Variants in RAI1 observed in about 807,000 individuals in gnomAD.
RAI1 encodes the protein retinoic acid induced 1, also known as retinoic acid-induced protein 1.
A neutral mutation model predicts 123.8 loss-of-function variants in RAI1; 9 were observed. The ratio of observed to expected loss-of-function variants is 0.07; its 90% CI spans 0.04 to 0.13. The LOEUF is 0.13. Among genes scored for constraint, RAI1 ranks in the 10% least tolerant of loss-of-function variants. The pLI is 1.00. For missense variants in RAI1, 2,256 were observed against 2,545.8 expected (o/e 0.89, Z 2.45); for synonymous variants, 1,231 against 1,127.3 (o/e 1.09, Z -1.84).
intron 2 of RAI1, among the ~76,000 whole-genome samples, chr17:17,747,963 C>CT (rs1812909366): frequency 6.6e-6 from 1 of 152,124 alleles, no homozygotes; most frequent in African/African-American, 2.4e-5. Flanking sequence ...TACTTGGAGG[C>CT]TAAGGCTGGA....
intron 2 of RAI1, among the ~76,000 whole-genome samples, chr17:17,774,575 C>T (rs895001499): frequency 1.3e-5 from 2 of 152,258 alleles, no homozygotes; most frequent in South Asian, 2.1e-4. Flanking sequence ...TCCGCCCACC[C>T]GGGCAGTGAC....
intron 1 of RAI1, among the ~76,000 whole-genome samples, chr17:17,708,444 A>C (rs1392342585): frequency 6.6e-6 from 1 of 151,422 alleles, no homozygotes; most frequent in Non-Finnish European, 1.5e-5. Flanking sequence ...ATATATGTAC[A>C]TTTTTTTCCC....
intron 2 of RAI1, among the ~76,000 whole-genome samples, chr17:17,780,961 C>T (rs1177115431): frequency 6.6e-6 from 1 of 152,188 alleles, no homozygotes; most frequent in African/African-American, 2.4e-5. Context: ...TGTCTTTAAT[C>T]TGTATTCCAC....
chr17:17,706,625 G>T (rs530426130), intron 1 of RAI1, among the ~76,000 whole-genome samples: 24 of 152,176 alleles, frequency 1.6e-4, no homozygotes, highest in Non-Finnish European at 3.2e-4. Context: ...AGGGATCAGA[G>T]TAGAGTTGGG....
chr17:17,739,895 T>C (rs956831699), intron 2 of RAI1, among the ~76,000 whole-genome samples: 1 of 152,192 alleles, frequency 6.6e-6, no homozygotes, highest in Non-Finnish European at 1.5e-5. Context: ...TGGGCCCAGA[T>C]GGAGGGCAGC....
At chr17:17,773,093 A>AGGGGTGGG (rs1567891404) in intron 2 of RAI1, among the ~76,000 whole-genome samples, 1 of 120,936 alleles carries the variant, frequency 8.3e-6, no homozygotes, top group Non-Finnish European at 1.7e-5. Flanking sequence ...GGATGGATGG[A>AGGGGTGGG]TGGGTGGGTG....
At position 17,796,473 on chromosome 17, in the gene RAI1, G is replaced by C. The variant is rs747524905; in HGVS notation, c.3525G>C (p.Lys1175Asn). 2 of 1,611,860 alleles carry C rather than the reference G, an allele frequency of 1.2e-6. No homozygotes were observed. Reference protein sequence around the residue: ...EGRLPNCRATKKLLDNSHLPA... With the variant: ...EGRLPNCRATNKLLDNSHLPA... Reference sequence around the variant, plus strand: ...GGCTCCCCAACTGCCGTGCCACCAAGAAGCTCCTCGACAACAGCCACTTGC... The same window carrying C: ...GGCTCCCCAACTGCCGTGCCACCAACAAGCTCCTCGACAACAGCCACTTGC... Residue 1175 changes from lysine (K) to asparagine (N), a missense_variant, in exon 3 of 6, where the codon AAG (lysine) becomes AAC (asparagine). This residue lies in a region of RAI1 where 322 missense variants were observed against 358.0 expected (regional missense o/e 0.90). Coordinates refer to ENST00000353383, the MANE Select transcript of RAI1 (RefSeq NM_030665.4). This position sits in a 1 kb window ranked among gnomAD's most constrained non-coding sequence, Gnocchi z 5.8.
chr17:17,797,831 C>T lies in RAI1; in HGVS notation c.4883C>T (p.Ser1628Phe), dbSNP rs773872471. The T allele has an allele frequency of 3.7e-6, 6 of 1,614,030 alleles. No individual in the cohort carries two copies. The East Asian group carries it at 1.1e-4, about 30-fold the overall frequency. The change falls in exon 3 of 6, where the codon TCC becomes TTC. Residue 1628 changes from serine (S) to phenylalanine (F), a missense_variant. Ser to Phe is a radical substitution (Grantham distance 155, BLOSUM62 -2). Transcript: ENST00000353383. ...GCGCCCAAGCCCCACAGGAAGCCTT[C>T]CTCCTCTGCCTCCTCTTCCTCATCC... ...GDAPKPHRKP[S>F]SSASSSSSSS...
At chr17:17,706,638 AC>A (rs1030704908) in intron 1 of RAI1, among the ~76,000 whole-genome samples, 2 of 152,058 alleles carry the variant, frequency 1.3e-5, no homozygotes, top group African/African-American at 4.8e-5. Flanking sequence ...GAGTTGGGGC[AC>A]CCGAGCGGCA....
At chr17:17,760,424 G>GTA (rs2030640828) in intron 2 of RAI1, among the ~76,000 whole-genome samples, 1 of 152,120 alleles carries the variant, frequency 6.6e-6, no homozygotes, top group South Asian at 2.1e-4. Flanking sequence ...CACCCAGACT[G>GTA]TACCCAGAAG....
chr17:17,793,962 C>T lies in RAI1; in HGVS notation c.1014C>T (p.Phe338=), dbSNP rs752858508. The T allele has an allele frequency of 6.2e-7, 1 of 1,613,936 alleles. No individual in the cohort carries two copies. The highest frequency in any genetic ancestry group is 1.1e-5 in the South Asian group (1 of 91,078). Residue 338 remains phenylalanine, a synonymous_variant, in exon 3 of 6, where the codon TTC becomes TTT. Coordinates refer to ENST00000353383, the MANE Select transcript of RAI1 (RefSeq NM_030665.4). ...VRTPEQYYQT[F]SPSSSHSPAR... ...CCCCAGAGCAGTACTACCAGACCTT[C>T]AGCCCCAGCTCCAGCCACTCACCCG...
At chr17:17,747,567 G>A (rs535958897) in intron 2 of RAI1, among the ~76,000 whole-genome samples, 5 of 152,248 alleles carry the variant, frequency 3.3e-5, no homozygotes, top group South Asian at 2.1e-4. Context: ...CATTTGACAC[G>A]AGGCCGGCCA....
chr17:17,793,447 C>T lies in RAI1; in HGVS notation c.499C>T (p.Arg167Trp), dbSNP rs1350817275. The T allele has an allele frequency of 4.3e-6, 7 of 1,613,350 alleles. No individual in the cohort carries two copies. Among genetic ancestry groups the T allele is most frequent in the Admixed American group, 1.7e-5 (1 of 60,000 alleles). Residue 167 changes from arginine to tryptophan, a missense_variant, in exon 3 of 6, where the codon CGG (arginine) becomes TGG (tryptophan). Arg to Trp is a moderately radical substitution (Grantham distance 101, BLOSUM62 -3). This residue lies in a region of RAI1 where 336 missense variants were observed against 349.8 expected (regional missense o/e 0.96). Transcript: ENST00000353383. ...YAEQGAQVPF[R>W]THSLHVQQPP... ...AGAGCAGGGCGCCCAGGTGCCCTTT[C>T]GGACTCACTCCCTGCACGTCCAGCA...
chr17:17,733,219 T>C (rs971827868), intron 2 of RAI1, among the ~76,000 whole-genome samples: 6 of 152,154 alleles, frequency 3.9e-5, no homozygotes, highest in Non-Finnish European at 8.8e-5. Context: ...ATTCTATCTT[T>C]GAAGCTCATC....
intron 4 of RAI1, among the ~76,000 whole-genome samples, chr17:17,808,386 A>ATTATTTTATTTTATTTTATT (rs151001882): frequency 3.8e-5 from 5 of 130,134 alleles, no homozygotes; most frequent in African/African-American, 1.7e-4. Context: ...ATTTTATTTT[A>ATTATTTTATTTTATTTTATT]TTATTTTATT....
In RAI1 at chr17:17,685,982, C is replaced by T. The variant is rs997568758; in HGVS notation, c.-149+4189C>T. On this transcript the variant is annotated intron_variant, in intron 1 of 5. Coordinates refer to ENST00000353383, the MANE Select transcript of RAI1 (RefSeq NM_030665.4). The surrounding 1 kb of genome is among the most constrained non-coding windows in gnomAD (Gnocchi z 4.0). ...TCCTGTCTCCTCCTCCTCTGACCTC[C>T]GAGGCAGAATGAGTCATCTCCCTTT... is the stretch of plus-strand genomic sequence containing the variant. Among the ~76,000 whole-genome samples, 4 of 152,228 alleles carry T rather than the reference C, an allele frequency of 2.6e-5. No homozygotes were observed. Among genetic ancestry groups the T allele is most frequent in the Non-Finnish European group, 4.4e-5 (3 of 68,050 alleles).
At chr17:17,697,807 G>C (rs1915087676) in intron 1 of RAI1, among the ~76,000 whole-genome samples, 1 of 152,134 alleles carries the variant, frequency 6.6e-6, no homozygotes, top group African/African-American at 2.4e-5. Context: ...GAGGGTATGG[G>C]TGCTTACACA....
intron 1 of RAI1, among the ~76,000 whole-genome samples, chr17:17,700,425 G>C (rs1915180225): frequency 6.6e-6 from 1 of 151,724 alleles, no homozygotes; most frequent in African/African-American, 2.4e-5. Context: ...GCCGCCCCTC[G>C]GCGTTCGCGC....
chr17:17,681,930 T>TGTGGGGTCC (rs1445300608), intron 1 of RAI1, 137 bp downstream of exon 1: 1 of 219,748 alleles, frequency 4.6e-6, no homozygotes, highest in Non-Finnish European at 8.7e-6. Context: ...TGGGTGGAGA[T>TGTGGGGTCC]GTGGGGTCCG....
Sources: gnomAD v4.1 joint callset for allele counts (sites outside exome capture counted in the v4.1 genomes callset) on GRCh38, gnomAD v4.1.1 for gene constraint, gnomAD v4.1.1 regional missense constraint, Gnocchi (gnomAD v3.1) non-coding constraint, MANE v1.5 for transcripts, NCBI Gene and HGNC (gene_info 2026-07-23, HGNC 2026-07-21) for gene names.